Variants in CD247 observed in about 807,000 individuals in gnomAD.
The protein encoded by CD247 is CD247 molecule, also known as T-cell surface glycoprotein CD3 zeta chain.
Under a neutral mutation model 30.0 loss-of-function variants are expected in CD247, and 13 were observed. That is an observed-to-expected ratio of 0.43 (90% confidence interval 0.28 to 0.69). The LOEUF (loss-of-function observed/expected upper bound fraction) is 0.69, where lower values mean the gene tolerates loss of function less well. CD247 is among the 30% of genes least tolerant of loss of function. The pLI is 0.16. For missense variants in CD247, 193 were observed against 212.6 expected, an observed-to-expected ratio of 0.91 and a Z score of 0.57; for synonymous variants, 72 against 80.0, an observed-to-expected ratio of 0.90 and a Z score of 0.53.
intron 1 of CD247, among the ~76,000 whole-genome samples, chr1:167,449,814 T>C (rs977381789): frequency 6.6e-6 from 1 of 152,022 alleles, no homozygotes; most frequent in African/African-American, 2.4e-5. Flanking sequence ...TCCCAGCTAC[T>C]TGGGAGGCTG....
Position 167,518,452 on chromosome 1 carries a change from G to T in CD247, c.14C>A (p.Ala5Glu), listed in dbSNP as rs768293096. ...CTGCAGGATGGCCGCGGTGAAAAGC[G>T]CCTTCCACTTCATCTTGTCCTTTCC... The part of the protein sequence containing the change: MKWK[A>E]LFTAAILQAQ... Residue 5 changes from alanine (A) to glutamate (E), a missense_variant, in exon 1 of 8, where the codon GCG becomes GAG. By Grantham distance (107) the Ala-to-Glu change is moderately radical. Coordinates refer to ENST00000362089, the MANE Select transcript of CD247 (RefSeq NM_198053.3). 6.2e-7 allele frequency: 1 copy of T among 1,614,098 alleles called. No individual in the cohort carries two copies. The highest frequency in any genetic ancestry group is 2.2e-5 in the East Asian group (1 of 44,888).
At chr1:167,451,131 G>C (rs947667054) in intron 1 of CD247, among the ~76,000 whole-genome samples, 19 of 151,784 alleles carry the variant, frequency 1.3e-4, no homozygotes, top group Non-Finnish European at 8.8e-5. Flanking sequence ...TGCAAGCAGG[G>C]GTAGGTAGCA....
chr1:167,496,861 A>G (rs1324737026), intron 1 of CD247, among the ~76,000 whole-genome samples: 1 of 152,164 alleles, frequency 6.6e-6, no homozygotes, highest in African/African-American at 2.4e-5. Context: ...GGAGATCTCC[A>G]TCAGAAGGAG....
chr1:167,460,088 C>T (rs1045124393), intron 1 of CD247, among the ~76,000 whole-genome samples: 1 of 152,116 alleles, frequency 6.6e-6, no homozygotes, highest in Non-Finnish European at 1.5e-5. Context: ...CCTCCCTAAT[C>T]CTCTGAAAGT....
At chr1:167,448,720 G>A (rs910077678) in intron 1 of CD247, among the ~76,000 whole-genome samples, 1 of 152,188 alleles carries the variant, frequency 6.6e-6, no homozygotes, top group Admixed American at 6.5e-5. Context: ...AATTAGCTAG[G>A]TGTGGTGGCG....
chr1:167,462,495 C>CTGTGTAGGAGCCTG (rs1260861286), intron 1 of CD247, among the ~76,000 whole-genome samples: 1 of 152,200 alleles, frequency 6.6e-6, no homozygotes, highest in Non-Finnish European at 1.5e-5. Context: ...CTGCATGTGC[C>CTGTGTAGGAGCCTG]TGTGTAGGAG....
chr1:167,498,195 A>G (rs1654774097), intron 1 of CD247, among the ~76,000 whole-genome samples: 1 of 152,146 alleles, frequency 6.6e-6, no homozygotes, highest in Admixed American at 6.5e-5. Flanking sequence ...ATCTGCTCAC[A>G]TTTCTATCAC....
intron 1 of CD247, among the ~76,000 whole-genome samples, chr1:167,477,936 C>A (rs1653817730): frequency 6.6e-6 from 1 of 152,204 alleles, no homozygotes; most frequent in Non-Finnish European, 1.5e-5. Flanking sequence ...GCTGCCAATC[C>A]TGTGACCAGC....
chr1:167,489,252 T>C (rs553334948), intron 1 of CD247, among the ~76,000 whole-genome samples: 3 of 152,270 alleles, frequency 2.0e-5, no homozygotes, highest in African/African-American at 4.8e-5. Context: ...AAACTATATA[T>C]GATATTAAAT....
At chr1:167,485,286 C>T (rs990737288) in intron 1 of CD247, among the ~76,000 whole-genome samples, 38 of 152,156 alleles carry the variant, frequency 2.5e-4, no homozygotes, top group African/African-American at 8.4e-4. Context: ...CCCTGCACGC[C>T]CTGCTCACAG....
chr1:167,459,181 C>T (rs914556289), intron 1 of CD247, among the ~76,000 whole-genome samples: 1 of 150,746 alleles, frequency 6.6e-6, no homozygotes. Context: ...TATTGTTAAA[C>T]AGAATATTAG....
intron 3 of CD247, among the ~76,000 whole-genome samples, chr1:167,438,921 T>C (rs1651680455): frequency 6.6e-6 from 1 of 152,190 alleles, no homozygotes; most frequent in African/African-American, 2.4e-5. Flanking sequence ...AACATTCTCA[T>C]GAGCAAATAG....
At chr1:167,431,837 A>C in intron 7 of CD247, 91 bp from the exon 8 acceptor site, 1 of 1,116,798 alleles carries the variant, frequency 9.0e-7, no homozygotes, top group Middle Eastern at 2.1e-4. Flanking sequence ...TCTCTGCAGC[A>C]CAGCCCTGTG....
intron 1 of CD247, among the ~76,000 whole-genome samples, chr1:167,482,717 T>C (rs1481160105): frequency 6.6e-6 from 1 of 152,112 alleles, no homozygotes; most frequent in Non-Finnish European, 1.5e-5. Flanking sequence ...TCTGGACAAA[T>C]ATCCAAAGGG....
In CD247 at chr1:167,517,195, A is replaced by C. The variant is rs34210256; in HGVS notation, c.58+1213T>G. Among the ~76,000 whole-genome samples, 606 of 152,320 alleles carry C rather than the reference A, an allele frequency of 4.0e-3. 6 individuals are homozygous for C. Among genetic ancestry groups the C allele is most frequent in the African/African-American group, 0.014 (587 of 41,566 alleles). Reference sequence around the variant, plus strand: ...TCTGAGAAAACAGCTGTGACCTGACAGAAACCCCTGCAGCTGCACGGGCCT... The same window carrying C: ...TCTGAGAAAACAGCTGTGACCTGACCGAAACCCCTGCAGCTGCACGGGCCT... On this transcript the variant is annotated intron_variant, in intron 1 of 7. Transcript: ENST00000362089.
chr1:167,440,796 A>C, intron 1 of CD247, 29 bp from the exon 2 acceptor site: 1 of 1,503,052 alleles, frequency 6.7e-7, no homozygotes, highest in Non-Finnish European at 9.2e-7. Context: ...CTGGTCAGCC[A>C]GGCCCAAGGT....
chr1:167,498,713 G>A (rs147309805), intron 1 of CD247, among the ~76,000 whole-genome samples: 3 of 152,332 alleles, frequency 2.0e-5, no homozygotes, highest in Middle Eastern at 3.4e-3. Flanking sequence ...CCAAGATCAC[G>A]TTGCTGGGTA....
chr1:167,470,384 CT>C (rs1352337871), intron 1 of CD247, among the ~76,000 whole-genome samples: 3 of 152,084 alleles, frequency 2.0e-5, no homozygotes, highest in South Asian at 2.1e-4. Flanking sequence ...GCAAACCTGC[CT>C]TTTCCAGGGT....
At chr1:167,505,129 C>G (rs77318866) in intron 1 of CD247, among the ~76,000 whole-genome samples, 1 of 152,050 alleles carries the variant, frequency 6.6e-6, no homozygotes, top group African/African-American at 2.4e-5. Context: ...CTGACATTTT[C>G]TTTTCTTTTT....
Sources: gnomAD v4.1 joint callset for allele counts (sites outside exome capture counted in the v4.1 genomes callset) on GRCh38, gnomAD v4.1.1 for gene constraint, MANE v1.5 for transcripts, NCBI Gene and HGNC (gene_info 2026-07-23, HGNC 2026-07-21) for gene names.